Variants in TAAR5 observed in about 807,000 individuals in gnomAD.
The protein encoded by TAAR5 is trace amine-associated receptor 5.
A neutral mutation model predicts 21.1 loss-of-function variants in TAAR5; 27 were observed. The observed-to-expected ratio is 1.28, with a 90% CI of 0.94 to 1.76. TAAR5 has a LOEUF of 1.76. TAAR5 is among the 40% of genes most tolerant of loss of function. TAAR5 has a pLI of 0.00. For synonymous variants in TAAR5, 203 were observed against 167.5 expected, an observed-to-expected ratio of 1.21 and a Z score of -1.64; for missense variants, 495 against 405.6, an observed-to-expected ratio of 1.22 and a Z score of -1.89.
chr6:132,613,878 A>G, the TAAR5 span, among the ~76,000 whole-genome samples: 3 of 152,232 alleles, frequency 2.0e-5, no homozygotes, highest in African/African-American at 7.2e-5. Flanking sequence ...CTACTGCCAT[A>G]AAATATGTTC....
the TAAR5 span, among the ~76,000 whole-genome samples, chr6:132,614,373 T>C: frequency 6.6e-6 from 1 of 152,366 alleles, no homozygotes; most frequent in African/African-American, 2.4e-5. Flanking sequence ...TGAATTTTGA[T>C]GGAAAATTTA....
chr6:132,611,057 G>A, the TAAR5 span, among the ~76,000 whole-genome samples: 3 of 152,194 alleles, frequency 2.0e-5, no homozygotes, highest in South Asian at 2.1e-4. Flanking sequence ...CCTGGGACAT[G>A]CCTGATCAAT....
the TAAR5 span, among the ~76,000 whole-genome samples, chr6:132,616,363 C>G: frequency 6.6e-6 from 1 of 152,042 alleles, no homozygotes; most frequent in Admixed American, 6.6e-5. Flanking sequence ...GGATTGAAAA[C>G]AAAACTTTAG....
At chr6:132,598,427 T>G in the TAAR5 span, among the ~76,000 whole-genome samples, 1 of 151,962 alleles carries the variant, frequency 6.6e-6, no homozygotes, top group Non-Finnish European at 1.5e-5. Flanking sequence ...TCCTTTGGCT[T>G]GCCAAAATTT....
chr6:132,589,134 C>T lies in TAAR5; in HGVS notation c.553G>A (p.Glu185Lys). 6.2e-7 allele frequency: 1 copy of T among 1,612,194 alleles called. No homozygotes were observed. The highest frequency in any genetic ancestry group is 8.5e-7 in the Non-Finnish European group (1 of 1,179,016). The change falls in exon 1 of 1, where the codon GAG becomes AAG. Residue 185 changes from glutamate (E) to lysine (K), a missense_variant. Glu to Lys is a moderately conservative substitution (Grantham distance 56, BLOSUM62 1). Transcript: ENST00000258034. ...TGGCAACTGCCCACACAAGGCATCT[C>T]TTCCAGCCACTGGCTGAGCCTTGTC... ...VETRLSQWLE[E>K]MPCVGSCQLL...
chr6:132,608,210 T>A, the TAAR5 span: 1 of 384,476 alleles, frequency 2.6e-6, no homozygotes, highest in Admixed American at 3.3e-5. Flanking sequence ...AACAATCTCA[T>A]TTGCAATATT....
chr6:132,599,323 CTTTTTTTTTTTTTTTT>C, the TAAR5 span, among the ~76,000 whole-genome samples: 2 of 98,492 alleles, frequency 2.0e-5, no homozygotes. Context: ...CTTTTCTTTT[CTTTTTTTTTTTTTTTT>C]TTTTTTTTTT....
At chr6:132,601,384 C>A in the TAAR5 span, among the ~76,000 whole-genome samples, 1 of 152,166 alleles carries the variant, frequency 6.6e-6, no homozygotes, top group Non-Finnish European at 1.5e-5. Flanking sequence ...TTTCTCCCAC[C>A]AGAATGCAGA....
At chr6:132,598,849 AAGGG>A in the TAAR5 span, among the ~76,000 whole-genome samples, 1 of 152,120 alleles carries the variant, frequency 6.6e-6, no homozygotes, top group Non-Finnish European at 1.5e-5. Context: ...AGAGGGAAGG[AAGGG>A]AGGAAGAGAG....
chr6:132,602,766 G>T, the TAAR5 span, among the ~76,000 whole-genome samples: 1 of 101,344 alleles, frequency 9.9e-6, no homozygotes, highest in Admixed American at 1.2e-4. Flanking sequence ...GGAGCTCTAA[G>T]ACCTTTAGAA....
At chr6:132,592,911 C>G (rs957778311), upstream of TAAR5, among the ~76,000 whole-genome samples, 1 of 152,148 alleles carries the variant, frequency 6.6e-6, no homozygotes, top group Admixed American at 6.5e-5. Flanking sequence ...GGTCCCAGAT[C>G]TACCACTGAA....
chr6:132,592,602 G>A (rs1776922420), upstream of TAAR5, among the ~76,000 whole-genome samples: 1 of 152,144 alleles, frequency 6.6e-6, no homozygotes, highest in Admixed American at 6.5e-5. Context: ...TTCCCCTTTG[G>A]TGCTGTTCTT....
chr6:132,614,315 A>G, the TAAR5 span, among the ~76,000 whole-genome samples: 1 of 152,220 alleles, frequency 6.6e-6, no homozygotes, highest in Non-Finnish European at 1.5e-5. Flanking sequence ...TGTACTTTGC[A>G]AAAGTATTTT....
chr6:132,607,690 T>C, the TAAR5 span, among the ~76,000 whole-genome samples: 1 of 152,192 alleles, frequency 6.6e-6, no homozygotes, highest in African/African-American at 2.4e-5. Context: ...CTGCTTCACC[T>C]ATGGCAGTAG....
chr6:132,588,717 CCTT>C lies in TAAR5; in HGVS notation c.967_969del (p.Lys323del). ...ACAGTGCGTGTCTGCGGTGAGAAGA[CCTT>C]CTGGCTCAGTGTGAGTTTCAGTGCC... On this transcript the variant is annotated inframe_deletion, in exon 1 of 1. Transcript: ENST00000258034. The C allele has an allele frequency of 4.3e-6, 7 of 1,613,940 alleles. No homozygotes were observed. The highest frequency in any genetic ancestry group is 5.9e-6 in the Non-Finnish European group (7 of 1,179,962).
chr6:132,603,201 C>T, the TAAR5 span, among the ~76,000 whole-genome samples: 2 of 149,492 alleles, frequency 1.3e-5, no homozygotes, highest in South Asian at 2.1e-4. Context: ...ACTTAGGAGG[C>T]TGAGGTGGTA....
upstream of TAAR5, among the ~76,000 whole-genome samples, chr6:132,590,293 T>C (rs1305217665): frequency 6.6e-6 from 1 of 152,222 alleles, no homozygotes; most frequent in African/African-American, 2.4e-5. Context: ...CATGCAAATA[T>C]TAATAATTAA....
upstream of TAAR5, among the ~76,000 whole-genome samples, chr6:132,590,350 A>G (rs907552162): frequency 2.0e-5 from 3 of 152,236 alleles, no homozygotes; most frequent in African/African-American, 4.8e-5. Context: ...TGCACATTTT[A>G]TGATGATAAC....
Position 132,589,217 on chromosome 6 carries a change from G to T in TAAR5, c.470C>A (p.Ala157Glu), listed in dbSNP as rs148673954. Residue 157 changes from alanine (A) to glutamate (E), a missense_variant, in exon 1 of 1, where the codon GCA (alanine) becomes GAA (glutamate). By Grantham distance (107) the Ala-to-Glu change is moderately radical. Transcript: ENST00000258034. ...GTATGCTGCGGGCACCCCCCATCCT[G>T]CCAGGATGTACCTGAGAGCCACCCT... ...TVRVALRYILAGWGVPAAYTS... is the reference protein window; with the variant it reads ...TVRVALRYILEGWGVPAAYTS... 6.9e-6 allele frequency: 11 copies of T among 1,605,700 alleles called. No individual in the cohort carries two copies. In the East Asian group the frequency reaches 1.3e-4, roughly 20 times the overall value.
Sources: gnomAD v4.1 joint callset for allele counts (sites outside exome capture counted in the v4.1 genomes callset) on GRCh38, gnomAD v4.1.1 for gene constraint, MANE v1.5 for transcripts, NCBI Gene and HGNC (gene_info 2026-07-23, HGNC 2026-07-21) for gene names.